Variants in MIPOL1 observed in about 807,000 individuals in gnomAD.
MIPOL1 encodes mirror-image polydactyly gene 1 protein.
MIPOL1 carries 57 observed loss-of-function variants against 60.9 expected under a neutral mutation model. The ratio of observed to expected loss-of-function variants is 0.94; its 90% CI spans 0.76 to 1.17. The LOEUF (loss-of-function observed/expected upper bound fraction) is 1.17. MIPOL1 is among the 50% of genes most tolerant of loss of function. MIPOL1 has a pLI of 0.00. For missense variants in MIPOL1, 551 were observed against 511.6 expected (o/e 1.08, Z -0.74); for synonymous variants, 179 against 168.8 (o/e 1.06, Z -0.47).
At chr14:37,480,163 C>T (rs1484398863) in intron 11 of MIPOL1, among the ~76,000 whole-genome samples, 2 of 152,100 alleles carry the variant, frequency 1.3e-5, no homozygotes, top group Admixed American at 1.3e-4. Flanking sequence ...TCTAACTCTT[C>T]CCAAAAATTA....
intron 11 of MIPOL1, among the ~76,000 whole-genome samples, chr14:37,498,292 A>G (rs1361034746): frequency 6.6e-6 from 1 of 152,216 alleles, no homozygotes; most frequent in Non-Finnish European, 1.5e-5. Context: ...CTTTGTATAT[A>G]TGCACTTTGT....
intron 10 of MIPOL1, among the ~76,000 whole-genome samples, chr14:37,411,656 G>A (rs2153539727): frequency 6.6e-6 from 1 of 152,188 alleles, no homozygotes; most frequent in South Asian, 2.1e-4. Context: ...TTTACATATT[G>A]TCTATGGCTA....
chr14:37,240,192 T>C (rs1972128037), intron 1 of MIPOL1, among the ~76,000 whole-genome samples: 1 of 152,164 alleles, frequency 6.6e-6, no homozygotes, highest in Non-Finnish European at 1.5e-5. Context: ...AAGGTCTTCT[T>C]TGTTAGTATT....
chr14:37,231,518 G>T (rs1970623874), intron 1 of MIPOL1, among the ~76,000 whole-genome samples: 1 of 152,102 alleles, frequency 6.6e-6, no homozygotes, highest in African/African-American at 2.4e-5. Context: ...TGATACTAAG[G>T]CTAATAGATG....
At chr14:37,415,524 G>A (rs1257465563) in intron 10 of MIPOL1, among the ~76,000 whole-genome samples, 2 of 151,690 alleles carry the variant, frequency 1.3e-5, no homozygotes, top group African/African-American at 2.4e-5. Flanking sequence ...AGCTACTCGG[G>A]AGGCTGAGGC....
chr14:37,209,987 G>C (rs1966675249), intron 1 of MIPOL1, among the ~76,000 whole-genome samples: 1 of 151,902 alleles, frequency 6.6e-6, no homozygotes, highest in African/African-American at 2.4e-5. Flanking sequence ...CTGATTACTG[G>C]TGTGAGCCAC....
intron 6 of MIPOL1, chr14:37,277,499 T>A (rs1022820621): frequency 2.6e-5 from 4 of 151,372 alleles, no homozygotes; most frequent in African/African-American, 4.8e-5. Flanking sequence ...TAGAGCATAT[T>A]TTCAGAAAAC....
chr14:37,450,698 C>T (rs2094404792), intron 11 of MIPOL1, among the ~76,000 whole-genome samples: 1 of 151,940 alleles, frequency 6.6e-6, no homozygotes, highest in South Asian at 2.1e-4. Flanking sequence ...TCGTTTTTCC[C>T]CTTGATGTCT....
chr14:37,284,272 C>T (rs1594897629), intron 6 of MIPOL1, among the ~76,000 whole-genome samples: 1 of 152,126 alleles, frequency 6.6e-6, no homozygotes, highest in African/African-American at 2.4e-5. Flanking sequence ...TTCCACCTTC[C>T]CACTGAGATG....
intron 9 of MIPOL1, among the ~76,000 whole-genome samples, chr14:37,365,002 A>C (rs1055239887): frequency 6.6e-6 from 1 of 151,860 alleles, no homozygotes; most frequent in South Asian, 2.1e-4. Flanking sequence ...TCTTTTTCAG[A>C]TTTTTCACTG....
chr14:37,226,420 A>C (rs2153293083), intron 1 of MIPOL1, among the ~76,000 whole-genome samples: 1 of 152,318 alleles, frequency 6.6e-6, no homozygotes, highest in East Asian at 1.9e-4. Context: ...AGAAGATGAA[A>C]GGCACGTCTC....
intron 12 of MIPOL1, among the ~76,000 whole-genome samples, chr14:37,516,370 C>T (rs2095369267): frequency 6.6e-6 from 1 of 151,924 alleles, no homozygotes; most frequent in Non-Finnish European, 1.5e-5. Context: ...AAATAGAGGC[C>T]AAAATTAGAG....
intron 6 of MIPOL1, 48 bp downstream of exon 6, chr14:37,270,573 G>A (rs763575802): frequency 4.2e-6 from 4 of 958,366 alleles, no homozygotes; most frequent in Non-Finnish European, 6.0e-6. Context: ...CACACACAAG[G>A]TTATTATATG....
chr14:37,286,963 T>C (rs1223629375), intron 7 of MIPOL1, among the ~76,000 whole-genome samples: 1 of 152,154 alleles, frequency 6.6e-6, no homozygotes, highest in African/African-American at 2.4e-5. Context: ...CAATTCATTC[T>C]CTATATGTTG....
At chr14:37,363,255 C>A (rs2092346197) in intron 9 of MIPOL1, among the ~76,000 whole-genome samples, 2 of 152,130 alleles carry the variant, frequency 1.3e-5, no homozygotes, top group African/African-American at 2.4e-5. Flanking sequence ...TATTTATCTA[C>A]CTTTGGTCTC....
chr14:37,274,446 A>G (rs777915959), intron 6 of MIPOL1, among the ~76,000 whole-genome samples: 6 of 151,454 alleles, frequency 4.0e-5, no homozygotes, highest in Non-Finnish European at 8.9e-5. Flanking sequence ...TAAGCACTTA[A>G]ATGTTTCAGA....
intron 1 of MIPOL1, among the ~76,000 whole-genome samples, chr14:37,234,361 C>CTTTT (rs3061899): frequency 7.4e-6 from 1 of 135,116 alleles, no homozygotes; most frequent in Non-Finnish European, 1.6e-5. Context: ...CTTTTCTTTT[C>CTTTT]TTTTTTTTTT....
At chr14:37,402,767 G>A (rs1008853262) in intron 10 of MIPOL1, among the ~76,000 whole-genome samples, 1 of 152,160 alleles carries the variant, frequency 6.6e-6, no homozygotes, top group Non-Finnish European at 1.5e-5. Context: ...TTTTTCCAAA[G>A]GAAGGAAGAC....
rs2095560093 is a variant in MIPOL1, at chr14:37,550,837, C to T, written c.*3866C>T. ...CTCAAGTTACCAAATTTTTTGTAAT[C>T]CTTTTACTAGAAAAATCTTTTTTGA... On this transcript the variant is annotated 3_prime_UTR_variant, in exon 13 of 13. Transcript: ENST00000684589. 1 of 152,368 alleles carries T rather than the reference C, an allele frequency of 6.6e-6. No individual in the cohort carries two copies. Among genetic ancestry groups the T allele is most frequent in the Non-Finnish European group, 1.5e-5 (1 of 67,934 alleles). The allele number at this position is 152,368 out of a possible 1,614,324, so 9.4% of individuals were successfully genotyped here. A position where few individuals can be genotyped will look rare whatever the true frequency, so the allele number is the denominator to read the frequency against.
Sources: gnomAD v4.1 joint callset for allele counts (sites outside exome capture counted in the v4.1 genomes callset) on GRCh38, gnomAD v4.1.1 for gene constraint, MANE v1.5 for transcripts, NCBI Gene and HGNC (gene_info 2026-07-23, HGNC 2026-07-21) for gene names.